The following SCARA5 variants were observed in gnomAD, a reference collection of about 807,000 sequenced individuals.
SCARA5 encodes the protein scavenger receptor class A, member 5 (putative).
In SCARA5, 45 loss-of-function variants were observed where a neutral mutation model predicts 46.3. The ratio of observed to expected loss-of-function variants is 0.97; its 90% CI spans 0.76 to 1.24. The LOEUF (loss-of-function observed/expected upper bound fraction) is 1.24. Among genes scored for constraint, SCARA5 ranks in the 50% most tolerant of loss-of-function variants. SCARA5 has a pLI of 0.00. For missense variants in SCARA5, 680 were observed against 689.0 expected (o/e 0.99, Z 0.15); for synonymous variants, 333 against 306.5 (o/e 1.09, Z -0.90).
intron 3 of SCARA5, among the ~76,000 whole-genome samples, chr8:27,952,614 A>C (rs1192663076): frequency 1.3e-5 from 2 of 152,250 alleles, no homozygotes; most frequent in Admixed American, 1.3e-4. Context: ...AGAGAGGCAG[A>C]ATAATGAAAA....
At chr8:27,900,302 C>T (rs547337659) in intron 7 of SCARA5, among the ~76,000 whole-genome samples, 4 of 152,232 alleles carry the variant, frequency 2.6e-5, no homozygotes, top group Admixed American at 6.5e-5. Flanking sequence ...GAAGGGAGTC[C>T]GAGGACTCCA....
intron 3 of SCARA5, among the ~76,000 whole-genome samples, chr8:27,950,879 G>GAAGAAAA (rs1808114331): frequency 7.1e-6 from 1 of 140,998 alleles, no homozygotes; most frequent in Non-Finnish European, 1.5e-5. Context: ...AGCTTTATGG[G>GAAGAAAA]AAAAAAAAAA....
chr8:27,887,580 T>G (rs986617901), intron 7 of SCARA5, among the ~76,000 whole-genome samples: 26 of 152,306 alleles, frequency 1.7e-4, no homozygotes, highest in African/African-American at 5.8e-4. Context: ...CTTGACAGCT[T>G]ATTCCAATCC....
At chr8:27,887,001 G>A (rs1806906830) in intron 7 of SCARA5, among the ~76,000 whole-genome samples, 2 of 152,174 alleles carry the variant, frequency 1.3e-5, no homozygotes, top group Non-Finnish European at 2.9e-5. Context: ...TCTGCACGTG[G>A]CAGTGGAGGA....
intron 3 of SCARA5, among the ~76,000 whole-genome samples, chr8:27,943,804 T>C (rs1222980075): frequency 6.6e-6 from 1 of 152,174 alleles, no homozygotes; most frequent in Non-Finnish European, 1.5e-5. Context: ...GAATTGTAAG[T>C]GGATGCTAAA....
rs117529408 is a variant in SCARA5 at position 27,880,106 on chromosome 8, A to G, written c.1154-340T>C. Among the ~76,000 whole-genome samples, 1,972 of 152,142 alleles carry G rather than the reference A, an allele frequency of 0.013. 99 individuals are homozygous for G. In the East Asian group the frequency reaches 0.13, roughly 10 times the overall value. On this transcript the variant is annotated intron_variant, in intron 7 of 8. Transcript: ENST00000354914. ...ATAAGCAGTGGGGAAAGGACTCCCT[A>G]TTCAATAAATGGCGCTGGGATAGTT... is the stretch of plus-strand genomic sequence containing the variant.
chr8:27,900,794 T>G (rs996716474), intron 7 of SCARA5, among the ~76,000 whole-genome samples: 6 of 151,306 alleles, frequency 4.0e-5, no homozygotes, highest in Non-Finnish European at 4.4e-5. Context: ...AGCGGGTTTT[T>G]TTTTTTTTTT....
intron 4 of SCARA5, among the ~76,000 whole-genome samples, chr8:27,917,260 TAA>T (rs1213751916): frequency 6.6e-6 from 1 of 152,192 alleles, no homozygotes; most frequent in Non-Finnish European, 1.5e-5. Context: ...GAACTGAGTG[TAA>T]AACTTAGTTT....
chr8:27,954,830 G>A (rs1808182272), intron 3 of SCARA5, among the ~76,000 whole-genome samples: 1 of 152,214 alleles, frequency 6.6e-6, no homozygotes, highest in Non-Finnish European at 1.5e-5. Flanking sequence ...GGGGACAAGT[G>A]TTAATTGGTA....
chr8:27,984,627 TCCATCCATTCATTCAC>T (rs1447455374), intron 2 of SCARA5, among the ~76,000 whole-genome samples: 1 of 151,840 alleles, frequency 6.6e-6, no homozygotes, highest in Non-Finnish European at 1.5e-5. Flanking sequence ...CATGCATCCA[TCCATCCATTCATTCAC>T]CCATCCATTC....
At chr8:27,988,252 G>A (rs997932736) in intron 1 of SCARA5, among the ~76,000 whole-genome samples, 15 of 152,184 alleles carry the variant, frequency 9.9e-5, no homozygotes, top group African/African-American at 3.4e-4. Context: ...GAGGAGCAGG[G>A]AGCCTCTGAA....
intron 7 of SCARA5, among the ~76,000 whole-genome samples, chr8:27,900,428 G>A (rs1324829711): frequency 6.6e-6 from 1 of 152,192 alleles, no homozygotes; most frequent in Non-Finnish European, 1.5e-5. Flanking sequence ...ACTGCATGCT[G>A]GGGTGCCCAC....
intron 7 of SCARA5, among the ~76,000 whole-genome samples, chr8:27,899,903 C>T (rs1185544363): frequency 1.4e-4 from 21 of 152,072 alleles, no homozygotes; most frequent in African/African-American, 4.6e-4. Flanking sequence ...TTTGAGAGGC[C>T]GAGGCAGGCA....
chr8:27,892,546 A>T (rs982608756), intron 7 of SCARA5, among the ~76,000 whole-genome samples: 1 of 151,298 alleles, frequency 6.6e-6, no homozygotes, highest in African/African-American at 2.4e-5. Flanking sequence ...AGCTGGACTC[A>T]GGAGCAGGAT....
intron 7 of SCARA5, among the ~76,000 whole-genome samples, chr8:27,890,087 T>C (rs2129701800): frequency 6.6e-6 from 1 of 152,352 alleles, no homozygotes; most frequent in African/African-American, 2.4e-5. Context: ...GTATTGTCTT[T>C]GCCCTGGACT....
In SCARA5 at chr8:27,922,036, C is replaced by A; in HGVS notation, c.451G>T (p.Gly151Cys). The part of the protein sequence containing the change: ...ALAGAVQRLE[G>C]ALWGLQAQAV... ...TGCGCCTGCAGCCCCCACAGCGCGC[C>A]CTCCAGCCGCTGCACTGCGCCCGCC... Residue 151 changes from glycine (G) to cysteine (C), a missense_variant, in exon 4 of 9, where the codon GGC becomes TGC. This residue lies in a region of SCARA5 where 438 missense variants were observed against 384.5 expected (regional missense o/e 1.14). Coordinates refer to ENST00000354914, the MANE Select transcript of SCARA5 (RefSeq NM_173833.6). The A allele has an allele frequency of 1.3e-6, 2 of 1,574,914 alleles. No individual in the cohort carries two copies. The highest frequency in any genetic ancestry group is 1.8e-5 in the Admixed American group (1 of 55,638).
chr8:27,969,441 C>T (rs1808415483), intron 2 of SCARA5, among the ~76,000 whole-genome samples: 1 of 152,128 alleles, frequency 6.6e-6, no homozygotes, highest in Admixed American at 6.5e-5. Flanking sequence ...ATGTGATATT[C>T]TGGGAAAAAC....
intron 3 of SCARA5, among the ~76,000 whole-genome samples, chr8:27,930,789 C>A (rs1807759005): frequency 6.6e-6 from 1 of 152,160 alleles, no homozygotes; most frequent in African/African-American, 2.4e-5. Flanking sequence ...TCAAGGCCAC[C>A]CTGCTAGTAG....
intron 3 of SCARA5, among the ~76,000 whole-genome samples, chr8:27,940,355 G>C (rs1807923400): frequency 6.6e-6 from 1 of 152,120 alleles, no homozygotes. Context: ...TCACGTCACT[G>C]TTCTTTAAAA....
Sources: allele counts gnomAD v4.1 joint callset (sites outside exome capture counted in the v4.1 genomes callset), GRCh38; gene constraint gnomAD v4.1.1; regional missense constraint gnomAD v4.1.1; transcripts MANE v1.5; gene names NCBI Gene and HGNC (gene_info 2026-07-23, HGNC 2026-07-21).